MTMR14: variants seen among roughly 807,000 people sequenced by gnomAD.
MTMR14 encodes myotubularin related protein 14, also known as phosphatidylinositol-3,5-bisphosphate 3-phosphatase MTMR14.
In MTMR14, 48 loss-of-function variants were observed where a neutral mutation model predicts 86.3. The ratio of observed to expected loss-of-function variants is 0.56; its 90% CI spans 0.44 to 0.71. The LOEUF (loss-of-function observed/expected upper bound fraction) is 0.71, where lower values mean the gene tolerates loss of function less well. MTMR14 is among the 30% of genes least tolerant of loss of function. MTMR14 has a pLI of 0.00. For missense variants in MTMR14, 780 were observed against 834.6 expected (o/e 0.93, Z 0.81); for synonymous variants, 366 against 326.1 (o/e 1.12, Z -1.32).
intron 2 of MTMR14, among the ~76,000 whole-genome samples, chr3:9,657,707 T>G (rs778945284): frequency 1.3e-5 from 2 of 152,132 alleles, no homozygotes; most frequent in African/African-American, 4.8e-5. Flanking sequence ...CGTGCCACCA[T>G]GCCCGGCCAA....
At chr3:9,670,584 C>G (rs1046686385) in intron 5 of MTMR14, among the ~76,000 whole-genome samples, 2 of 151,556 alleles carry the variant, frequency 1.3e-5, no homozygotes, top group East Asian at 1.9e-4. Flanking sequence ...TAAAATAGCT[C>G]TAAAAACTTT....
At chr3:9,688,838 G>T (rs3868042) in intron 15 of MTMR14, 84 bp downstream of exon 15, 5 of 1,593,566 alleles carry the variant, frequency 3.1e-6, no homozygotes, top group South Asian at 1.1e-5. Flanking sequence ...GTGCTAAGAG[G>T]TTTTTTGTTT....
intron 16 of MTMR14, among the ~76,000 whole-genome samples, chr3:9,689,342 G>C (rs2076065741): frequency 1.3e-5 from 2 of 152,226 alleles, no homozygotes; most frequent in Non-Finnish European, 2.9e-5. Context: ...GGTAGGGCAG[G>C]GGTCTGGGGA....
In MTMR14 at chr3:9,649,614, GCCTCGGCGGGGT is replaced by G. The variant is rs767930674; in HGVS notation, c.39_50del (p.Gly14_Ala17del). The G allele has an allele frequency of 3.9e-6, 6 of 1,551,298 alleles. No individual in the cohort carries two copies. In the Middle Eastern group the frequency reaches 6.6e-4, roughly 170 times the overall value. Reference sequence around the variant, plus strand: ...CGGCGCTCGGGCCGCCGCCGCCGCTGCCTCGGCGGGGTCCTCGGCCTCTTCAGGCAACCAGCC... The same window carrying G: ...CGGCGCTCGGGCCGCCGCCGCCGCTGCCTCGGCCTCTTCAGGCAACCAGCC... On this transcript the variant is annotated inframe_deletion, in exon 1 of 19. Coordinates refer to ENST00000296003, the MANE Select transcript of MTMR14 (RefSeq NM_001077525.3).
intron 10 of MTMR14, 76 bp from the exon 11 acceptor site, chr3:9,684,509 A>G: frequency 6.9e-7 from 1 of 1,441,002 alleles, no homozygotes; most frequent in South Asian, 1.1e-5. Context: ...CCACCAGGCC[A>G]AGCTGGTGGT....
intron 10 of MTMR14, 149 bp downstream of exon 10, chr3:9,683,393 C>G: frequency 1.3e-6 from 1 of 744,758 alleles, no homozygotes; most frequent in South Asian, 1.6e-5. Flanking sequence ...ATCCCAGAGG[C>G]TGGGTGGGAT....
At position 9,662,340 on chromosome 3, in the gene MTMR14, C is replaced by T. The variant is rs372268047; in HGVS notation, c.382C>T (p.Arg128Trp). 11 of 1,613,446 alleles carry T rather than the reference C, an allele frequency of 6.8e-6. No individual in the cohort carries two copies. Among genetic ancestry groups the T allele is most frequent in the East Asian group, 4.5e-5 (2 of 44,892 alleles). ...CAGCAAGATGGCCCGGTGCAGAGGA[C>T]GGTTTGTCTGCCCAGTAATCCTGTT... ...HRSKMARCRGRFVCPVILFKG... is the reference protein window; with the variant it reads ...HRSKMARCRGWFVCPVILFKG... The change falls in exon 3 of 19, where the codon CGG (arginine) becomes TGG (tryptophan). Residue 128 changes from arginine (R) to tryptophan (W), a missense_variant. Physicochemically the swap from Arg to Trp is moderately radical, Grantham distance 101. Coordinates refer to ENST00000296003, the MANE Select transcript of MTMR14 (RefSeq NM_001077525.3).
intron 3 of MTMR14, 75 bp from the exon 4 acceptor site, chr3:9,668,644 G>A: frequency 1.3e-6 from 2 of 1,485,546 alleles, no homozygotes; most frequent in Non-Finnish European, 1.9e-6. Context: ...AAGAGTCAGA[G>A]GAGTCCCACA....
intron 4 of MTMR14, 97 bp downstream of exon 4, chr3:9,668,891 A>C: frequency 7.8e-6 from 10 of 1,275,140 alleles, no homozygotes; most frequent in Non-Finnish European, 1.0e-5. Context: ...TGTAATCTCA[A>C]CACTTTGGGA....
chr3:9,662,839 CAAAAATCTT>C (rs1188438499), intron 3 of MTMR14, among the ~76,000 whole-genome samples: 1 of 152,164 alleles, frequency 6.6e-6, no homozygotes, highest in African/African-American at 2.4e-5. Context: ...GTAAAGCAGA[CAAAAATCTT>C]TATTGTCATG....
Position 9,697,746 on chromosome 3 carries a change from C to A in MTMR14, c.1649C>A (p.Ser550Tyr), listed in dbSNP as rs554506283. 15 of 1,614,162 alleles carry A rather than the reference C, an allele frequency of 9.3e-6. No individual in the cohort carries two copies. In the African/African-American group the frequency reaches 2.0e-4, roughly 22 times the overall value. The change falls in exon 18 of 19, where the codon TCC (serine) becomes TAC (tyrosine). Residue 550 changes from serine to tyrosine, a missense_variant. Ser to Tyr is a moderately radical substitution (Grantham distance 144). Coordinates refer to ENST00000296003, the MANE Select transcript of MTMR14 (RefSeq NM_001077525.3). ...VDHPLPGSSLSTDYGSWQMVT... is the reference protein window; with the variant it reads ...VDHPLPGSSLYTDYGSWQMVT... ...CATCCCCTGCCCGGATCCTCTCTCT[C>A]CACAGACTATGGCAGCTGGCAGATG...
At chr3:9,658,428 A>G (rs982419138) in intron 2 of MTMR14, among the ~76,000 whole-genome samples, 1 of 152,248 alleles carries the variant, frequency 6.6e-6, no homozygotes, top group Non-Finnish European at 1.5e-5. Context: ...GCTGCTGTGT[A>G]GTAGACCTCA....
At position 9,683,217 on chromosome 3, in the gene MTMR14, C is replaced by T. The variant is rs764335314; in HGVS notation, c.937C>T (p.Leu313=). The change falls in exon 10 of 19, where the codon CTG becomes TTG. Residue 313 remains leucine, a synonymous_variant. Coordinates refer to ENST00000296003, the MANE Select transcript of MTMR14 (RefSeq NM_001077525.3). ...LVQQTQNYLK[L]LLSLVNSDDD... ...GCAACAAACACAAAACTACCTGAAGCTGCTGCTTTCCTTAGTTAACAGTGA... is the reference window on the plus strand; with the variant it reads ...GCAACAAACACAAAACTACCTGAAGTTGCTGCTTTCCTTAGTTAACAGTGA... The T allele has an allele frequency of 3.1e-6, 5 of 1,614,206 alleles. No homozygotes were observed. Among genetic ancestry groups the T allele is most frequent in the Middle Eastern group, 1.6e-4 (1 of 6,062 alleles).
intron 13 of MTMR14, 72 bp from the exon 14 acceptor site, chr3:9,687,749 C>T: frequency 7.4e-7 from 1 of 1,342,684 alleles, no homozygotes; most frequent in Non-Finnish European, 1.0e-6. Flanking sequence ...ACCTGAGTGG[C>T]TGGCCGCCCT....
chr3:9,689,855 T>C (rs558965126), intron 16 of MTMR14, 109 bp from the exon 17 acceptor site: 2 of 1,099,064 alleles, frequency 1.8e-6, no homozygotes, highest in East Asian at 5.2e-5. Flanking sequence ...CCAACTCATG[T>C]GATGTTTTCC....
At chr3:9,654,497 G>A (rs2047482802) in intron 2 of MTMR14, among the ~76,000 whole-genome samples, 1 of 152,196 alleles carries the variant, frequency 6.6e-6, no homozygotes, top group Non-Finnish European at 1.5e-5. Context: ...TGGCCTGTAG[G>A]TAGTCAGTAA....
At chr3:9,655,931 G>A (rs774884654) in intron 2 of MTMR14, among the ~76,000 whole-genome samples, 6 of 152,028 alleles carry the variant, frequency 3.9e-5, no homozygotes, top group African/African-American at 9.7e-5. Flanking sequence ...TTGGCCGGGC[G>A]TGCTGGCTCA....
Position 9,685,012 on chromosome 3 carries a change from A to G in MTMR14, c.1127+48A>G, listed in dbSNP as rs141841032. The G allele has an allele frequency of 3.5e-4, 547 of 1,577,674 alleles. 4 individuals are homozygous for G. The African/African-American group carries it at 6.4e-3, about 18-fold the overall frequency. ...TTTTGGGGCCTTAGTAACAGTTTCT[A>G]TATGTGAGTTGTGTGGTGGCTCCCT... is the stretch of plus-strand genomic sequence containing the variant. On this transcript the variant is annotated intron_variant, in intron 12 of 18. Transcript: ENST00000296003.
chr3:9,685,501 C>T (rs569997941), intron 13 of MTMR14, among the ~76,000 whole-genome samples: 1 of 152,322 alleles, frequency 6.6e-6, no homozygotes, highest in East Asian at 1.9e-4. Flanking sequence ...ACATGACAGC[C>T]TTGGCTGCCT....
Sources: gnomAD v4.1 joint callset for allele counts (sites outside exome capture counted in the v4.1 genomes callset) on GRCh38, gnomAD v4.1.1 for gene constraint, MANE v1.5 for transcripts, NCBI Gene and HGNC (gene_info 2026-07-23, HGNC 2026-07-21) for gene names.